The following FTCD variants were observed in gnomAD, a reference collection of about 807,000 sequenced individuals.
The protein encoded by FTCD is formimidoyltransferase-cyclodeaminase.
In FTCD, 76 loss-of-function variants were observed where a neutral mutation model predicts 62.9. The ratio of observed to expected loss-of-function variants is 1.21; its 90% CI spans 1.00 to 1.46. FTCD has a LOEUF of 1.46. Ranked by LOEUF, FTCD falls within the 40% of genes most tolerant of loss-of-function variation. The pLI, the probability that FTCD is intolerant of heterozygous loss-of-function variation, is 0.00. For missense variants in FTCD, 845 were observed against 751.3 expected, an observed-to-expected ratio of 1.12 and a Z score of -1.46; for synonymous variants, 397 against 336.9, an observed-to-expected ratio of 1.18 and a Z score of -1.95.
In FTCD at chr21:46,136,947, G is replaced by A. The variant is rs576045274; in HGVS notation, c.*40C>T. The A allele has an allele frequency of 3.3e-5, 53 of 1,612,372 alleles. No homozygotes were observed. Among genetic ancestry groups the A allele is most frequent in the East Asian group, 1.1e-4 (5 of 44,866 alleles). ...ACAGCTCTGCCCTCTGGGGATGGGC[G>A]AGGGAGGGGCCACAGAGCCCGGAGA... On this transcript the variant is annotated 3_prime_UTR_variant, in exon 14 of 14. Coordinates refer to ENST00000397746, the MANE Select transcript of FTCD (RefSeq NM_206965.2).
chr21:46,155,414 A>G, intron 1 of FTCD, 56 bp downstream of exon 1: 2 of 1,422,190 alleles, frequency 1.4e-6, no homozygotes, highest in East Asian at 4.6e-5. Flanking sequence ...CCTGGGCCTT[A>G]GCCACTCAAG....
In FTCD at chr21:46,150,394, TTC is replaced by T. The variant is rs1568979227; in HGVS notation, c.766_767del (p.Glu256SerfsTer62). On this transcript the variant is annotated frameshift_variant, in exon 6 of 14. Transcript: ENST00000397746. LOFTEE classifies it high-confidence loss of function. ...LHTVYEETCR[E>X]AQELSLPVVG... Reference sequence around the variant, plus strand: ...CGGCTGCTCCCGGGCTCACCTGTGCTTCTCGGCAGGTCTCCTCGTAGACCGTG... The same window carrying T: ...CGGCTGCTCCCGGGCTCACCTGTGCTTCGGCAGGTCTCCTCGTAGACCGTG... 1.2e-6 allele frequency: 2 copies of T among 1,612,924 alleles called. No homozygotes were observed. Among genetic ancestry groups the T allele is most frequent in the Non-Finnish European group, 1.7e-6 (2 of 1,179,970 alleles).
In FTCD at chr21:46,151,752, G is replaced by T; in HGVS notation, c.457-15C>A. The T allele has an allele frequency of 6.2e-7, 1 of 1,612,314 alleles. No homozygotes were observed. Among genetic ancestry groups the T allele is most frequent in the Non-Finnish European group, 8.5e-7 (1 of 1,179,854 alleles). On this transcript the variant is annotated splice_polypyrimidine_tract_variant and intron_variant, in intron 4 of 13. Coordinates refer to ENST00000397746, the MANE Select transcript of FTCD (RefSeq NM_206965.2). ...GCCTGCTGGAGCTGTGAGCAAGTTC[G>T]CTCTGGGGTGAGACATCCCCCACGG...
rs17004506 is a variant in FTCD at position 46,152,119 on chromosome 21, T to G, written c.368-139A>C. 6.9e-3 allele frequency: 4,334 copies of G among 630,528 alleles called. 147 individuals carry two copies. In the African/African-American group the frequency reaches 0.072, roughly 10 times the overall value. The allele number at this position is 630,528 out of a possible 1,614,324, so 39.1% of individuals were successfully genotyped here. ...GCACCCTCTCCTGGGGAGTGCCCGT[T>G]CTCCGCCTTGGATGGATGCGGGTGG... On this transcript the variant is annotated intron_variant, in intron 3 of 13. Transcript: ENST00000397746.
At position 46,154,284 on chromosome 21, in the gene FTCD, G is replaced by A. The variant is rs1226815491; in HGVS notation, c.103C>T (p.Leu35=). 6.2e-7 allele frequency: 1 copy of A among 1,612,310 alleles called. No individual in the cohort carries two copies. ...GAITQTPGCV[L]LDVDAGPSTN... ...GAAGGGCCTGCGTCCACATCCAGCAGCACGCAGCCCGGGGTCTGTGTGATG... is the reference window on the plus strand; with the variant it reads ...GAAGGGCCTGCGTCCACATCCAGCAACACGCAGCCCGGGGTCTGTGTGATG... The change falls in exon 2 of 14, where the codon CTG becomes TTG. Residue 35 remains leucine (L), a synonymous_variant. Coordinates refer to ENST00000397746, the MANE Select transcript of FTCD (RefSeq NM_206965.2).
intron 10 of FTCD, chr21:46,139,127 A>G: frequency 1.6e-6 from 1 of 615,998 alleles, no homozygotes; most frequent in African/African-American, 1.8e-5. Context: ...CGGGGCACAC[A>G]GCAGATGGTC....
At position 46,152,233 on chromosome 21, in the gene FTCD, A is replaced by G. The variant is rs190151968; in HGVS notation, c.368-253T>C. On this transcript the variant is annotated intron_variant, in intron 3 of 13. Transcript: ENST00000397746. ...AGGCGAATTGCAGGGTTAGGATGGAACATGTGGGACATGCTAACGGCAGGA... is the reference window on the plus strand; with the variant it reads ...AGGCGAATTGCAGGGTTAGGATGGAGCATGTGGGACATGCTAACGGCAGGA... 449 of 482,000 alleles carry G rather than the reference A, an allele frequency of 9.3e-4. 2 individuals carry two copies. The highest frequency in any genetic ancestry group is 3.7e-3 in the Admixed American group (99 of 26,710). 29.9% of individuals were successfully genotyped at this position (482,000 alleles called of 1,614,324 possible).
chr21:46,154,403 C>T lies in FTCD; in HGVS notation c.55-71G>A, dbSNP rs1377649161. On this transcript the variant is annotated intron_variant, in intron 1 of 13. Coordinates refer to ENST00000397746, the MANE Select transcript of FTCD (RefSeq NM_206965.2). Reference sequence around the variant, plus strand: ...AGAAGGAAAAGGAGCTTGGAGGTGGCTGCACCCCGAGACACAAATGGGGGC... The same window carrying T: ...AGAAGGAAAAGGAGCTTGGAGGTGGTTGCACCCCGAGACACAAATGGGGGC... 3 of 1,517,846 alleles carry T rather than the reference C, an allele frequency of 2.0e-6. No homozygotes were observed. In the Admixed American group the frequency reaches 5.8e-5, roughly 29 times the overall value. The allele number at this position is 1,517,846 out of a possible 1,614,324, so 94.0% of individuals were successfully genotyped here. A position where few individuals can be genotyped will look rare whatever the true frequency, so the allele number is the denominator to read the frequency against.
At chr21:46,152,864 A>T (rs768125359) in intron 3 of FTCD, 43 bp downstream of exon 3, 7 of 1,292,250 alleles carry the variant, frequency 5.4e-6, no homozygotes, top group Non-Finnish European at 7.4e-6. Flanking sequence ...ACCCACACCA[A>T]TGAGACGGGA....
intron 10 of FTCD, among the ~76,000 whole-genome samples, chr21:46,141,038 G>A (rs1253267676): frequency 1.3e-5 from 2 of 152,202 alleles, no homozygotes; most frequent in Non-Finnish European, 1.5e-5. Context: ...TTTCCTTCCT[G>A]TCCCTTGATT....
At chr21:46,148,088 A>G (rs1159423583) in intron 7 of FTCD, among the ~76,000 whole-genome samples, 1 of 152,194 alleles carries the variant, frequency 6.6e-6, no homozygotes, top group Non-Finnish European at 1.5e-5. Context: ...ACTGGCTCCT[A>G]AAACTCTGGA....
chr21:46,146,210 G>GGCAGCGT, intron 8 of FTCD, 56 bp downstream of exon 8: 1 of 1,275,298 alleles, frequency 7.8e-7, no homozygotes, highest in South Asian at 1.2e-5. Flanking sequence ...GCCCCGCAAG[G>GGCAGCGT]CCCGAGAGGC....
At position 46,151,681 on chromosome 21, in the gene FTCD, C is replaced by T. The variant is rs781447053; in HGVS notation, c.513G>A (p.Trp171Ter). The T allele has an allele frequency of 1.9e-6, 3 of 1,613,044 alleles. No individual in the cohort carries two copies. Among genetic ancestry groups the T allele is most frequent in the Admixed American group, 1.7e-5 (1 of 60,030 alleles). ...DFGPSSFVPS[W>*]GATATGARKF... ...TCCTCGCCCCCGTGGCCGTGGCCCCCCAACTGGGGACAAAGGAGCTGGGAC... is the reference window on the plus strand; with the variant it reads ...TCCTCGCCCCCGTGGCCGTGGCCCCTCAACTGGGGACAAAGGAGCTGGGAC... The change falls in exon 5 of 14, where the codon TGG (tryptophan) becomes TGA (stop). Residue 171 changes from tryptophan to a stop codon, truncating the protein, a stop_gained. Coordinates refer to ENST00000397746, the MANE Select transcript of FTCD (RefSeq NM_206965.2). LOFTEE classifies it high-confidence loss of function.
chr21:46,149,878 A>T (rs1226048250), intron 7 of FTCD, among the ~76,000 whole-genome samples: 1 of 152,220 alleles, frequency 6.6e-6, no homozygotes, highest in Admixed American at 6.5e-5. Context: ...GGCAAGACCA[A>T]GCAGAAAGGG....
chr21:46,154,602 C>T (rs1484739297), intron 1 of FTCD, among the ~76,000 whole-genome samples: 2 of 152,252 alleles, frequency 1.3e-5, no homozygotes, highest in Non-Finnish European at 2.9e-5. Flanking sequence ...ACGGGCTCTG[C>T]TCCGACAGAC....
intron 10 of FTCD, 138 bp downstream of exon 10, chr21:46,145,279 G>C (rs536847902): frequency 8.0e-5 from 55 of 684,182 alleles, no homozygotes; most frequent in African/African-American, 7.6e-4. Flanking sequence ...TCCAGACAGC[G>C]GCCAGTGGTG....
At chr21:46,141,855 G>C (rs188910359) in intron 10 of FTCD, among the ~76,000 whole-genome samples, 2 of 152,216 alleles carry the variant, frequency 1.3e-5, no homozygotes, top group Non-Finnish European at 2.9e-5. Context: ...TAACCTGCCC[G>C]GTAATGAGAA....
chr21:46,152,843 A>T (rs752392854), intron 3 of FTCD, 64 bp downstream of exon 3: 11 of 1,367,474 alleles, frequency 8.0e-6, no homozygotes, highest in Non-Finnish European at 1.1e-5. Context: ...GGGATACAGA[A>T]GGAGCCAATA....
At position 46,145,595 on chromosome 21, in the gene FTCD, T is replaced by A. The variant is rs1391112987; in HGVS notation, c.1099-17A>T. ...CGCCGCACCCTGCGAGAGGGGTGGATGTGGGGGTCGCAGGGACCCCAGACG... is the reference window on the plus strand; with the variant it reads ...CGCCGCACCCTGCGAGAGGGGTGGAAGTGGGGGTCGCAGGGACCCCAGACG... On this transcript the variant is annotated splice_polypyrimidine_tract_variant and intron_variant, in intron 9 of 13. Transcript: ENST00000397746. The A allele has an allele frequency of 6.6e-7, 1 of 1,525,488 alleles. No homozygotes were observed. Among genetic ancestry groups the A allele is most frequent in the Admixed American group, 2.0e-5 (1 of 50,408 alleles). 94.5% of individuals were successfully genotyped at this position (1,525,488 alleles called of 1,614,324 possible).
Sources: allele counts gnomAD v4.1 joint callset (sites outside exome capture counted in the v4.1 genomes callset), GRCh38; gene constraint gnomAD v4.1.1; transcripts MANE v1.5; gene names NCBI Gene and HGNC (gene_info 2026-07-23, HGNC 2026-07-21).